FRMPD4: variants seen among roughly 807,000 people sequenced by gnomAD.
FRMPD4 encodes FERM and PDZ domain containing 4.
In FRMPD4, 22 loss-of-function variants were observed where a neutral mutation model predicts 94.1. That is an observed-to-expected ratio of 0.23 (90% confidence interval 0.17 to 0.33). The LOEUF (loss-of-function observed/expected upper bound fraction) is 0.33, where lower values mean the gene tolerates loss of function less well. FRMPD4 is among the 10% of genes least tolerant of loss of function. The probability of loss-of-function intolerance (pLI) is 1.00; values close to 1 mark genes in which losing one functional copy is unlikely to be tolerated. For missense variants in FRMPD4, 1,111 were observed against 1,339.9 expected, an observed-to-expected ratio of 0.83 and a Z score of 2.67; for synonymous variants, 631 against 548.6, an observed-to-expected ratio of 1.15 and a Z score of -2.10.
At chrX:11,864,939 G>C (rs2053709724) in intron 1 of FRMPD4, among the ~76,000 whole-genome samples, 1 of 111,811 alleles carries the variant, frequency 8.9e-6, no homozygotes, top group Non-Finnish European at 1.9e-5. Flanking sequence ...ATTGAGGGTG[G>C]TAGAGGTAGA....
rs766441142 is a variant in FRMPD4, at chrX:12,376,498, G to C, written c.42-122182G>C. Among the ~76,000 whole-genome samples, 6 of 112,794 alleles carry C rather than the reference G, an allele frequency of 5.3e-5. No homozygotes were observed. In the South Asian group the frequency reaches 1.8e-3, roughly 34 times the overall value. ...TGGTGTTGAGCCCCAGAATCTACTA[G>C]ATGTTATTTTTTAACCTGTCAATTT... On this transcript the variant is annotated intron_variant, in intron 1 of 16. Coordinates refer to ENST00000675598, the MANE Select transcript of FRMPD4 (RefSeq NM_001368397.1).
chrX:12,074,236 T>C (rs1284730034), intron 3 of FRMPD4, among the ~76,000 whole-genome samples: 4 of 111,943 alleles, frequency 3.6e-5, no homozygotes, highest in Non-Finnish European at 3.8e-5. Context: ...TGATACCTAT[T>C]TAAAAGATCA....
chrX:12,447,336 C>A (rs548656928), intron 1 of FRMPD4, among the ~76,000 whole-genome samples: 1 of 111,859 alleles, frequency 8.9e-6, no homozygotes, highest in South Asian at 3.7e-4. Flanking sequence ...TTTCACCCCC[C>A]AGTTGTGACA....
chrX:12,090,596 G>A (rs570252765), intron 3 of FRMPD4, among the ~76,000 whole-genome samples: 1 of 110,835 alleles, frequency 9.0e-6, no homozygotes, highest in African/African-American at 3.3e-5. Context: ...GTCAGAATGG[G>A]GGATTTGTGA....
intron 4 of FRMPD4, among the ~76,000 whole-genome samples, chrX:12,641,584 T>C (rs2059499992): frequency 1.8e-5 from 2 of 112,115 alleles, no homozygotes; most frequent in South Asian, 7.4e-4. Context: ...CAAGGGTGTG[T>C]AAGAAGTTCA....
intron 1 of FRMPD4, among the ~76,000 whole-genome samples, chrX:12,185,963 A>G (rs2056419886): frequency 9.0e-6 from 1 of 111,710 alleles, no homozygotes; most frequent in African/African-American, 3.2e-5. Context: ...TTGGCTGCCA[A>G]TTACTTACAT....
intron 3 of FRMPD4, among the ~76,000 whole-genome samples, chrX:11,892,417 A>G (rs1300952865): frequency 2.7e-5 from 3 of 112,156 alleles, no homozygotes; most frequent in Non-Finnish European, 3.8e-5. Flanking sequence ...GGCATTTCAC[A>G]GTCTTCCTAG....
intron 3 of FRMPD4, among the ~76,000 whole-genome samples, chrX:11,927,965 A>T (rs1260990427): frequency 8.9e-6 from 1 of 112,323 alleles, no homozygotes; most frequent in Non-Finnish European, 1.9e-5. Flanking sequence ...GAGTAAACAG[A>T]CAACCTACAG....
Position 11,914,730 on chromosome X carries a change from T to C in FRMPD4, c.95+36712T>C, listed in dbSNP as rs140488702. 1.3e-4 allele frequency among the ~76,000 whole-genome samples: 15 copies of C among 112,641 alleles called. No homozygotes were observed. In the East Asian group the frequency reaches 3.0e-3, roughly 23 times the overall value. ...TGAAGCAAACAAACAACCCTGTGTGTTCTTTAAACTGTAGCAGCTGTGGCT... is the reference window on the plus strand; with the variant it reads ...TGAAGCAAACAAACAACCCTGTGTGCTCTTTAAACTGTAGCAGCTGTGGCT... On this transcript the variant is annotated intron_variant, in intron 3 of 18. Transcript: ENST00000640291.
chrX:12,106,520 G>T (rs1002516160), intron 3 of FRMPD4, among the ~76,000 whole-genome samples: 6 of 110,967 alleles, frequency 5.4e-5, no homozygotes, highest in Non-Finnish European at 9.4e-5. Context: ...CGGACGTACC[G>T]GGTTCATCTC....
intron 1 of FRMPD4, among the ~76,000 whole-genome samples, chrX:12,181,058 T>C (rs933810019): frequency 8.9e-6 from 1 of 111,788 alleles, no homozygotes; most frequent in South Asian, 3.7e-4. Flanking sequence ...AAGAATTTCA[T>C]TGTAGTTCAC....
intron 1 of FRMPD4, among the ~76,000 whole-genome samples, chrX:12,430,274 C>A (rs1038964525): frequency 4.5e-5 from 5 of 112,167 alleles, no homozygotes; most frequent in African/African-American, 1.3e-4. Flanking sequence ...GCTTGACATG[C>A]ACTTTCATAA....
At chrX:11,969,109 T>C (rs2054326823) in intron 3 of FRMPD4, among the ~76,000 whole-genome samples, 1 of 112,653 alleles carries the variant, frequency 8.9e-6, no homozygotes. Flanking sequence ...AGCTTTGGCT[T>C]CAACATTCTG....
intron 1 of FRMPD4, among the ~76,000 whole-genome samples, chrX:12,300,730 G>T (rs901238249): frequency 8.9e-6 from 1 of 112,170 alleles, no homozygotes; most frequent in South Asian, 3.8e-4. Flanking sequence ...GACTTAAAAA[G>T]CTCTGAGAAG....
At chrX:12,454,508 T>C (rs2057309703) in intron 1 of FRMPD4, among the ~76,000 whole-genome samples, 1 of 109,997 alleles carries the variant, frequency 9.1e-6, no homozygotes, top group Admixed American at 9.6e-5. Context: ...CCGAGAATAT[T>C]GAATGTCAAA....
rs778913564 is a variant in FRMPD4, at chrX:11,943,073, G to T, written c.95+65055G>T. Among the ~76,000 whole-genome samples the T allele has an allele frequency of 3.6e-5, 4 of 111,968 alleles. No homozygotes were observed. In the Admixed American group the frequency reaches 3.8e-4, roughly 11 times the overall value. On this transcript the variant is annotated intron_variant, in intron 3 of 18. Coordinates refer to the FRMPD4 transcript ENST00000640291. ...TCACAATCAGTAGACCTTTCCTTCT[G>T]CAAGCTAGCCATACCATAAGTGAAG...
At chrX:12,497,712 G>A (rs989309081) in intron 1 of FRMPD4, among the ~76,000 whole-genome samples, 3 of 111,380 alleles carry the variant, frequency 2.7e-5, no homozygotes, top group Admixed American at 9.5e-5. Flanking sequence ...AAAAAGGAAT[G>A]GAGGTGGTTA....
rs905038418 is a variant in FRMPD4, at chrX:12,094,635, C to T, written c.95+216617C>T. On this transcript the variant is annotated intron_variant, in intron 3 of 18. Transcript: ENST00000640291. ...TATGGTTTCTAGGTCAGACTGCCTG[C>T]GTTTGAACTTTGATCCCAGCACTTA... Among the ~76,000 whole-genome samples the T allele has an allele frequency of 9.8e-5, 11 of 112,114 alleles. No individual in the cohort carries two copies. In the East Asian group the frequency reaches 1.4e-3, roughly 14 times the overall value.
intron 1 of FRMPD4, among the ~76,000 whole-genome samples, chrX:12,191,650 T>C (rs749932138): frequency 1.9e-5 from 2 of 106,901 alleles, no homozygotes; most frequent in South Asian, 9.3e-4. Context: ...GAGAAGGCTA[T>C]AATACTGTGT....
Sources: allele counts gnomAD v4.1 joint callset (sites outside exome capture counted in the v4.1 genomes callset), GRCh38; gene constraint gnomAD v4.1.1; transcripts MANE v1.5; gene names NCBI Gene and HGNC (gene_info 2026-07-23, HGNC 2026-07-21).